PCDHGA1: variants seen among roughly 807,000 people sequenced by gnomAD.
The protein encoded by PCDHGA1 is protocadherin gamma-A1.
Under a neutral mutation model 58.0 loss-of-function variants are expected in PCDHGA1, and 32 were observed. That is an observed-to-expected ratio of 0.55 (90% CI 0.42 to 0.74). The LOEUF (loss-of-function observed/expected upper bound fraction) is 0.74, where lower values mean the gene tolerates loss of function less well. PCDHGA1 is among the 30% of genes least tolerant of loss of function. The pLI is 0.00. For missense variants in PCDHGA1, 1,205 were observed against 1,182.3 expected, an observed-to-expected ratio of 1.02 and a Z score of -0.28; for synonymous variants, 498 against 501.1, an observed-to-expected ratio of 0.99 and a Z score of 0.08.
intron 1 of PCDHGA1, chr5:141,364,609 G>A (rs759783763): frequency 2.5e-6 from 4 of 1,614,190 alleles, no homozygotes; most frequent in Non-Finnish European, 3.4e-6. Flanking sequence ...TAGACCGGGA[G>A]GAGCTCTGCG....
At position 141,450,006 on chromosome 5, in the gene PCDHGA1, C is replaced by CTATTTTTTTTTTT. The variant is rs70988802; in HGVS notation, c.2422-44800_2422-44799insATTTTTTTTTTTT. Among the ~76,000 whole-genome samples, 4 of 132,982 alleles carry CTATTTTTTTTTTT rather than the reference C, an allele frequency of 3.0e-5. 1 individual carries two copies. The highest frequency in any genetic ancestry group is 5.6e-5 in the African/African-American group (2 of 35,576). 87.2% of individuals were successfully genotyped at this position (132,982 alleles called of 152,430 possible). A position where few individuals can be genotyped will look rare whatever the true frequency, so the allele number is the denominator to read the frequency against. Reference sequence around the variant, plus strand: ...CACATTGCATTTAGTTGCCATGTCTCTTTTTTTTTTTTTTTTTTGAGACAG... The same window carrying CTATTTTTTTTTTT: ...CACATTGCATTTAGTTGCCATGTCTCTATTTTTTTTTTTTTTTTTTTTTTTTTTTTTGAGACAG... On this transcript the variant is annotated intron_variant, in intron 1 of 3. Transcript: ENST00000517417.
chr5:141,482,492 T>C (rs1167963137), intron 1 of PCDHGA1, among the ~76,000 whole-genome samples: 1 of 144,468 alleles, frequency 6.9e-6, no homozygotes, highest in Non-Finnish European at 1.5e-5. Flanking sequence ...TTAAAAGTTA[T>C]CATTCTGGTA....
At chr5:141,481,813 G>A (rs185558948) in intron 1 of PCDHGA1, among the ~76,000 whole-genome samples, 15 of 151,942 alleles carry the variant, frequency 9.9e-5, no homozygotes, top group East Asian at 7.8e-4. Context: ...TTCACCAGGC[G>A]TGGTGGCTGA....
intron 1 of PCDHGA1, chr5:141,377,576 A>G (rs1241799520): frequency 1.3e-5 from 2 of 151,642 alleles, no homozygotes; most frequent in African/African-American, 2.4e-5. Context: ...AGCCTGGGAG[A>G]CAGAATGAGA....
chr5:141,504,135 C>T (rs758903340), intron 2 of PCDHGA1, among the ~76,000 whole-genome samples: 1 of 152,188 alleles, frequency 6.6e-6, no homozygotes, highest in Non-Finnish European at 1.5e-5. Context: ...CCCGCCAACA[C>T]TCCCCTGCAA....
chr5:141,409,942 C>G, intron 1 of PCDHGA1: 2 of 1,613,284 alleles, frequency 1.2e-6, no homozygotes, highest in Non-Finnish European at 1.7e-6. Context: ...TGGTACCTCG[C>G]TCTGCAGAGC....
chr5:141,440,056 G>A, intron 1 of PCDHGA1: 1 of 152,648 alleles, frequency 6.6e-6, no homozygotes, highest in East Asian at 1.9e-4. Flanking sequence ...GAAAGCTTCG[G>A]GTTAATGCTG....
rs1014945552 is a variant in PCDHGA1, at chr5:141,334,803, T to C, written c.2421+1698T>C. On this transcript the variant is annotated intron_variant, in intron 1 of 3. Coordinates refer to ENST00000517417, the MANE Select transcript of PCDHGA1 (RefSeq NM_018912.3). The surrounding 1 kb of genome is among the most constrained non-coding windows in gnomAD (Gnocchi z 4.6). ...AAAGCGTCATTAAGAGACCTAGTTA[T>C]GGCCTGGGACCTGAGGTCAGATAGA... is the stretch of plus-strand genomic sequence containing the variant. Among the ~76,000 whole-genome samples, 4 of 152,122 alleles carry C rather than the reference T, an allele frequency of 2.6e-5. No individual in the cohort carries two copies.
At chr5:141,384,274 G>C (rs1396743546) in intron 1 of PCDHGA1, 1 of 1,613,704 alleles carries the variant, frequency 6.2e-7, no homozygotes, top group Non-Finnish European at 8.5e-7. Flanking sequence ...ATCCTACTCA[G>C]TCTACATCGC....
At chr5:141,376,298 C>T in intron 1 of PCDHGA1, 1 of 1,614,206 alleles carries the variant, frequency 6.2e-7, no homozygotes, top group South Asian at 1.1e-5. Context: ...GCCCGGCTCG[C>T]ACTTTGTGGG....
At chr5:141,403,146 G>T (rs1400601984) in intron 1 of PCDHGA1, 2 of 1,614,056 alleles carry the variant, frequency 1.2e-6, no homozygotes, top group Middle Eastern at 1.6e-4. Context: ...CGCCGAGTCC[G>T]CATCGTCTCT....
intron 1 of PCDHGA1, among the ~76,000 whole-genome samples, chr5:141,450,666 T>G (rs1434496607): frequency 6.6e-6 from 1 of 151,890 alleles, no homozygotes; most frequent in African/African-American, 2.4e-5. Context: ...TTTGTACTTT[T>G]AGTAGAAACG....
At position 141,403,235 on chromosome 5, in the gene PCDHGA1, C is replaced by T. The variant is rs757212212; in HGVS notation, c.2421+70130C>T. The T allele has an allele frequency of 2.9e-5, 47 of 1,613,842 alleles. No individual in the cohort carries two copies. In the Admixed American group the frequency reaches 7.7e-4, roughly 26 times the overall value. ...CGCGGGTAGGATAGACCGGGAGGAGCTCTGTGCTCAGAGCCCGCGGTGTCT... is the reference window on the plus strand; with the variant it reads ...CGCGGGTAGGATAGACCGGGAGGAGTTCTGTGCTCAGAGCCCGCGGTGTCT... On this transcript the variant is annotated intron_variant, in intron 1 of 3. Transcript: ENST00000517417.
intron 1 of PCDHGA1, chr5:141,422,908 C>T (rs1340882515): frequency 2.5e-6 from 4 of 1,614,126 alleles, no homozygotes; most frequent in Non-Finnish European, 3.4e-6. Context: ...CGACAATGCG[C>T]CCGAGATCCT....
In PCDHGA1 at chr5:141,346,162, T is replaced by C. The variant is rs1185543456; in HGVS notation, c.2421+13057T>C. 3.1e-6 allele frequency: 5 copies of C among 1,613,932 alleles called. No homozygotes were observed. The Admixed American group carries it at 8.3e-5, about 27-fold the overall frequency. On this transcript the variant is annotated intron_variant, in intron 1 of 3. Coordinates refer to ENST00000517417, the MANE Select transcript of PCDHGA1 (RefSeq NM_018912.3). ...TGCGTCTTCCTGGCCTTCGTCATCG[T>C]GCTGCTGGCGCTCAGGCTGCGGCGC...
At chr5:141,454,047 T>C (rs896373946) in intron 1 of PCDHGA1, among the ~76,000 whole-genome samples, 6 of 152,122 alleles carry the variant, frequency 3.9e-5, no homozygotes, top group African/African-American at 7.2e-5. Flanking sequence ...AAGATAAAAG[T>C]GCAGCAAAGA....
At chr5:141,443,751 A>C (rs1372334547) in intron 1 of PCDHGA1, among the ~76,000 whole-genome samples, 3 of 152,230 alleles carry the variant, frequency 2.0e-5, no homozygotes, top group African/African-American at 7.2e-5. Context: ...GTGAATTGGA[A>C]GCTTACAATA....
chr5:141,500,520 T>A (rs2099801106), intron 2 of PCDHGA1, among the ~76,000 whole-genome samples: 1 of 152,194 alleles, frequency 6.6e-6, no homozygotes, highest in South Asian at 2.1e-4. Context: ...AGCTTCATTT[T>A]AAAAAAATCT....
intron 1 of PCDHGA1, chr5:141,366,889 A>G (rs1764852255): frequency 1.6e-6 from 2 of 1,264,154 alleles, no homozygotes; most frequent in African/African-American, 1.5e-5. Flanking sequence ...TTTTTTTTAT[A>G]TAATTCATGC....
Sources: gnomAD v4.1 joint callset for allele counts (sites outside exome capture counted in the v4.1 genomes callset) on GRCh38, gnomAD v4.1.1 for gene constraint, Gnocchi (gnomAD v3.1) non-coding constraint, MANE v1.5 for transcripts, NCBI Gene and HGNC (gene_info 2026-07-23, HGNC 2026-07-21) for gene names.